Variants in COA1 observed in about 807,000 individuals in gnomAD.
The protein encoded by COA1 is cytochrome c oxidase assembly factor 1 homolog.
In COA1, 13 loss-of-function variants were observed where a neutral mutation model predicts 16.0. The ratio of observed to expected loss-of-function variants is 0.81; its 90% CI spans 0.53 to 1.29. The LOEUF is 1.29. Among genes scored for constraint, COA1 ranks in the 50% most tolerant of loss-of-function variants. The pLI is 0.00. For missense variants in COA1, 179 were observed against 177.0 expected, an observed-to-expected ratio of 1.01 and a Z score of -0.06; for synonymous variants, 65 against 65.7, an observed-to-expected ratio of 0.99 and a Z score of 0.05.
intron 6 of COA1, chr7:43,624,872 T>G: frequency 1.9e-6 from 3 of 1,541,700 alleles, no homozygotes; most frequent in South Asian, 1.3e-5. Context: ...CTTCAAGATT[T>G]CTACATTGAA....
chr7:43,719,780 C>T (rs1438824922), intron 1 of COA1, among the ~76,000 whole-genome samples: 1 of 152,164 alleles, frequency 6.6e-6, no homozygotes, highest in Non-Finnish European at 1.5e-5. Context: ...TGTTTGCTTA[C>T]AAACAGGTTT....
At chr7:43,635,056 TCTA>T (rs1315445766), downstream of COA1, among the ~76,000 whole-genome samples, 1 of 152,224 alleles carries the variant, frequency 6.6e-6, no homozygotes, top group African/African-American at 2.4e-5. Context: ...TCTTGTTTCT[TCTA>T]CTTTGTTTTG....
chr7:43,633,957 ATT>A (rs1298105524), intron 6 of COA1, among the ~76,000 whole-genome samples: 2 of 152,148 alleles, frequency 1.3e-5, no homozygotes, highest in African/African-American at 4.8e-5. Flanking sequence ...AAATTCAGTG[ATT>A]GTTTTCTCGT....
intron 1 of COA1, among the ~76,000 whole-genome samples, chr7:43,654,636 G>A (rs2091429133): frequency 6.6e-6 from 1 of 152,008 alleles, no homozygotes; most frequent in Non-Finnish European, 1.5e-5. Context: ...TGAAGAGCAA[G>A]AAAATGGCAA....
At chr7:43,684,775 A>T (rs2093941326) in intron 1 of COA1, among the ~76,000 whole-genome samples, 1 of 152,204 alleles carries the variant, frequency 6.6e-6, no homozygotes, top group African/African-American at 2.4e-5. Flanking sequence ...ATAGTACATA[A>T]GAACAACACT....
At chr7:43,644,026 G>T (rs961766388) in intron 4 of COA1, among the ~76,000 whole-genome samples, 1 of 152,096 alleles carries the variant, frequency 6.6e-6, no homozygotes, top group Non-Finnish European at 1.5e-5. Flanking sequence ...CCTGGTGGCC[G>T]CAGCCCCTCC....
chr7:43,655,358 A>G (rs2091542160), intron 1 of COA1, among the ~76,000 whole-genome samples: 1 of 152,266 alleles, frequency 6.6e-6, no homozygotes, highest in South Asian at 2.1e-4. Context: ...ACAGCCTAAA[A>G]TTCCAGATAT....
intron 1 of COA1, among the ~76,000 whole-genome samples, chr7:43,706,498 G>T (rs1335293101): frequency 6.6e-6 from 1 of 151,630 alleles, no homozygotes; most frequent in Non-Finnish European, 1.5e-5. Context: ...AGTGAGCCGA[G>T]ATCATGGCAC....
intron 1 of COA1, among the ~76,000 whole-genome samples, chr7:43,701,998 T>C (rs1421230607): frequency 2.0e-5 from 3 of 152,146 alleles, no homozygotes; most frequent in African/African-American, 7.2e-5. Context: ...GATGAATAGT[T>C]TGCAAATATT....
chr7:43,632,037 C>T (rs2085229142), intron 6 of COA1: 1 of 152,282 alleles, frequency 6.6e-6, no homozygotes, highest in Admixed American at 6.5e-5. Flanking sequence ...TTAACTCTTT[C>T]ATGAGAGATT....
intron 1 of COA1, among the ~76,000 whole-genome samples, chr7:43,691,816 T>C (rs1356528704): frequency 1.6e-4 from 24 of 152,124 alleles, no homozygotes. Context: ...AGCACTCAGG[T>C]AGCAGACCTG....
intron 1 of COA1, among the ~76,000 whole-genome samples, chr7:43,668,905 C>T (rs867747209): frequency 6.6e-5 from 10 of 152,208 alleles, no homozygotes; most frequent in Non-Finnish European, 7.3e-5. Flanking sequence ...TAGGGTTATA[C>T]AGAGTAGCAC....
chr7:43,688,635 A>T (rs1368873362), intron 1 of COA1, among the ~76,000 whole-genome samples: 3 of 142,906 alleles, frequency 2.1e-5, no homozygotes, highest in East Asian at 1.9e-4. Context: ...GTATCCTCAT[A>T]AAAAAAAAAT....
At chr7:43,654,592 C>A (rs1365297834) in intron 1 of COA1, among the ~76,000 whole-genome samples, 1 of 151,214 alleles carries the variant, frequency 6.6e-6, no homozygotes, top group East Asian at 1.9e-4. Context: ...AAAAAAAAAT[C>A]CAAATGCATA....
At chr7:43,664,416 C>A (rs1234249587) in intron 1 of COA1, among the ~76,000 whole-genome samples, 1 of 152,110 alleles carries the variant, frequency 6.6e-6, no homozygotes, top group African/African-American at 2.4e-5. Flanking sequence ...TGTTTTAAAT[C>A]AGGACAGTAG....
In COA1 at chr7:43,633,903, C is replaced by A. The variant is rs191793313; in HGVS notation, c.*133+5546G>T. Reference sequence around the variant, plus strand: ...TCTTTAGCTAGAGGCCCACAGGTACCAATTGCAGTCTGTTTTCTCCGCTCA... The same window carrying A: ...TCTTTAGCTAGAGGCCCACAGGTACAAATTGCAGTCTGTTTTCTCCGCTCA... On this transcript the variant is annotated intron_variant and NMD_transcript_variant, in intron 6 of 6. Coordinates refer to the COA1 transcript ENST00000415076. 2.8e-4 allele frequency among the ~76,000 whole-genome samples: 43 copies of A among 152,198 alleles called. No homozygotes were observed. In the East Asian group the frequency reaches 7.1e-3, roughly 25 times the overall value.
intron 6 of COA1, among the ~76,000 whole-genome samples, chr7:43,612,675 A>G (rs2082982062): frequency 6.6e-6 from 1 of 152,214 alleles, no homozygotes; most frequent in African/African-American, 2.4e-5. Flanking sequence ...AGTTGCTTCT[A>G]TTAAGGATAT....
chr7:43,620,077 T>G (rs925502031), intron 6 of COA1, among the ~76,000 whole-genome samples: 3 of 152,156 alleles, frequency 2.0e-5, no homozygotes, highest in Admixed American at 1.3e-4. Flanking sequence ...TAACAAACAT[T>G]GACAAAGGAA....
At chr7:43,699,954 T>A (rs2094657647) in intron 1 of COA1, among the ~76,000 whole-genome samples, 1 of 152,104 alleles carries the variant, frequency 6.6e-6, no homozygotes, top group South Asian at 2.1e-4. Flanking sequence ...TATACATATA[T>A]CTTTATCATC....
Sources: gnomAD v4.1 joint callset for allele counts (sites outside exome capture counted in the v4.1 genomes callset) on GRCh38, gnomAD v4.1.1 for gene constraint, MANE v1.5 for transcripts, NCBI Gene and HGNC (gene_info 2026-07-23, HGNC 2026-07-21) for gene names.